The following JAKMIP2 variants were observed in gnomAD, a reference collection of about 807,000 sequenced individuals.
JAKMIP2 encodes janus kinase and microtubule interacting protein 2, also known as janus kinase and microtubule-interacting protein 2.
In JAKMIP2, 25 loss-of-function variants were observed where a neutral mutation model predicts 115.0. The observed-to-expected ratio is 0.22, with a 90% CI of 0.16 to 0.30. JAKMIP2 has a LOEUF of 0.30. Among genes scored for constraint, JAKMIP2 ranks in the 10% least tolerant of loss-of-function variants. The pLI, the probability that JAKMIP2 is intolerant of heterozygous loss-of-function variation, is 1.00. For missense variants in JAKMIP2, 642 were observed against 957.6 expected, an observed-to-expected ratio of 0.67 and a Z score of 4.35; for synonymous variants, 334 against 343.6, an observed-to-expected ratio of 0.97 and a Z score of 0.31.
rs182647477 is a variant in JAKMIP2, at chr5:147,620,726, T to C, written c.2082A>G (p.Ile694Met). The C allele has an allele frequency of 6.2e-7, 1 of 1,613,544 alleles. No individual in the cohort carries two copies. The highest frequency in any genetic ancestry group is 1.3e-5 in the African/African-American group (1 of 75,048). ...CTAGTTCTTCCTCCAGATAGCCTTTTATTTTGCAGAACTGTTCCTATAACA... is the reference window on the plus strand; with the variant it reads ...CTAGTTCTTCCTCCAGATAGCCTTTCATTTTGCAGAACTGTTCCTATAACA... ...LESDMEQFCK[I>M]KGYLEEELDY... Residue 694 changes from isoleucine to methionine, a missense_variant, in exon 18 of 22, where the codon ATA becomes ATG. Physicochemically the swap from Ile to Met is conservative, Grantham distance 10 (BLOSUM62 1). Around this residue, in one of 6 missense-constraint regions of JAKMIP2, gnomAD observed 68 missense variants for 104.6 expected, o/e 0.65. Transcript: ENST00000616793.
intron 1 of JAKMIP2, among the ~76,000 whole-genome samples, chr5:147,682,039 CA>C (rs201220964): frequency 0.084 from 6,364 of 76,112 alleles, 188 homozygotes; most frequent in South Asian, 0.23. Flanking sequence ...AACTCTGTTT[CA>C]AAAAAAAAAA....
chr5:147,740,900 T>G (rs1561570388), intron 1 of JAKMIP2, among the ~76,000 whole-genome samples: 1 of 152,324 alleles, frequency 6.6e-6, no homozygotes, highest in East Asian at 1.9e-4. Context: ...GGCTTTCTTT[T>G]ACATGGGGAG....
At chr5:147,749,921 C>G (rs1236193669) in intron 1 of JAKMIP2, among the ~76,000 whole-genome samples, 1 of 152,130 alleles carries the variant, frequency 6.6e-6, no homozygotes, top group Non-Finnish European at 1.5e-5. Flanking sequence ...TTGACTTATC[C>G]ATTCCAAACC....
At chr5:147,606,364 G>T (rs1007445483) in intron 20 of JAKMIP2, among the ~76,000 whole-genome samples, 1 of 152,274 alleles carries the variant, frequency 6.6e-6, no homozygotes, top group East Asian at 1.9e-4. Flanking sequence ...TTCGTATAAG[G>T]TGTAAGGAAG....
chr5:147,611,131 G>A (rs1756295656), intron 20 of JAKMIP2, among the ~76,000 whole-genome samples: 1 of 152,186 alleles, frequency 6.6e-6, no homozygotes, highest in African/African-American at 2.4e-5. Context: ...CCATGGGGGT[G>A]GGATCCGCTG....
rs1159013160 is a variant in JAKMIP2 at position 147,644,869 on chromosome 5, G to T, written c.1064C>A (p.Thr355Asn). 6.2e-7 allele frequency: 1 copy of T among 1,613,434 alleles called. No individual in the cohort carries two copies. The highest frequency in any genetic ancestry group is 1.7e-5 in the Admixed American group (1 of 59,902). The change falls in exon 6 of 22, where the codon ACC (threonine) becomes AAC (asparagine). Residue 355 changes from threonine to asparagine, a missense_variant. Physicochemically the swap from Thr to Asn is moderately conservative, Grantham distance 65 (BLOSUM62 0). Around this residue, in one of 6 missense-constraint regions of JAKMIP2, gnomAD observed 439 missense variants for 570.9 expected, o/e 0.77. Transcript: ENST00000616793. Reference protein sequence around the residue: ...QRMEEKLKAVTKENSEMREKI... With the variant: ...QRMEEKLKAVNKENSEMREKI... ...ACACACCATTTCTGAATTTTCCTTG[G>T]TAACGGCTTTTAGTTTTTCTTCCAT...
intron 20 of JAKMIP2, among the ~76,000 whole-genome samples, chr5:147,602,693 TA>T (rs909833996): frequency 6.6e-5 from 10 of 152,092 alleles, no homozygotes; most frequent in Non-Finnish European, 1.2e-4. Flanking sequence ...AGGTCAGTTT[TA>T]AAAAAAATAA....
chr5:147,617,257 A>AG (rs1405730380), intron 19 of JAKMIP2, among the ~76,000 whole-genome samples: 1 of 152,214 alleles, frequency 6.6e-6, no homozygotes, highest in Non-Finnish European at 1.5e-5. Context: ...CAGCAGACCT[A>AG]GGCTGTCATC....
chr5:147,659,093 GA>G (rs34795261), intron 3 of JAKMIP2, among the ~76,000 whole-genome samples: 249 of 142,826 alleles, frequency 1.7e-3, no homozygotes, highest in Middle Eastern at 3.5e-3. Flanking sequence ...GCTGGAGTAT[GA>G]AAAAAAAAAA....
intron 1 of JAKMIP2, among the ~76,000 whole-genome samples, chr5:147,708,393 A>C (rs1752658959): frequency 6.6e-6 from 1 of 152,146 alleles, no homozygotes; most frequent in Non-Finnish European, 1.5e-5. Flanking sequence ...AGGACTAGGC[A>C]TCTTCATTTT....
intron 1 of JAKMIP2, among the ~76,000 whole-genome samples, chr5:147,690,511 A>C (rs1268581645): frequency 7.0e-6 from 1 of 143,832 alleles, no homozygotes; most frequent in Non-Finnish European, 1.5e-5. Context: ...CCAAAGTATA[A>C]TGTCATTCAT....
chr5:147,702,053 T>C (rs1456080250), intron 1 of JAKMIP2, among the ~76,000 whole-genome samples: 4 of 152,202 alleles, frequency 2.6e-5, no homozygotes, highest in Non-Finnish European at 5.9e-5. Context: ...CTTCTGCCTC[T>C]TTCTAATTGC....
intron 10 of JAKMIP2, among the ~76,000 whole-genome samples, chr5:147,638,824 C>T (rs2126710529): frequency 6.6e-6 from 1 of 152,166 alleles, no homozygotes; most frequent in Non-Finnish European, 1.5e-5. Context: ...TTTAACTTCA[C>T]TAAACTACAT....
chr5:147,587,439 T>A lies in JAKMIP2; in HGVS notation c.*4268A>T, dbSNP rs1457649677. 6.6e-6 allele frequency: 1 copy of A among 151,938 alleles called. No homozygotes were observed. The highest frequency in any genetic ancestry group is 2.4e-5 in the African/African-American group (1 of 41,372). 9.4% of individuals were successfully genotyped at this position (151,938 alleles called of 1,614,324 possible). A position where few individuals can be genotyped will look rare whatever the true frequency, so the allele number is the denominator to read the frequency against. The stretch of plus-strand genomic sequence containing the variant: ...CTGTGTGTGTGTGTGTGTGTGTGTG[T>A]GTTTGTGTGTGTATTCTGTGCCACT... On this transcript the variant is annotated 3_prime_UTR_variant, in exon 22 of 22. Transcript: ENST00000616793.
chr5:147,643,937 A>G (rs1757998075), intron 7 of JAKMIP2, 121 bp downstream of exon 7: 1 of 668,418 alleles, frequency 1.5e-6, no homozygotes, highest in Non-Finnish European at 2.4e-6. Context: ...ACAAAATTAC[A>G]TATTTAACAT....
chr5:147,643,026 G>T lies in JAKMIP2; in HGVS notation c.1224+1032C>A, dbSNP rs149815230. 5.5e-3 allele frequency among the ~76,000 whole-genome samples: 840 copies of T among 152,050 alleles called. 41 individuals carry two copies. In the East Asian group the frequency reaches 0.11, roughly 20 times the overall value. On this transcript the variant is annotated intron_variant, in intron 7 of 21. Transcript: ENST00000616793. ...CAGACTCCAAGTTCTTCAGCTTTGG[G>T]ACTTGGACTGGCTTCCTTGCTCTTC...
intron 1 of JAKMIP2, among the ~76,000 whole-genome samples, chr5:147,735,486 C>A (rs1253715132): frequency 6.6e-6 from 1 of 152,142 alleles, no homozygotes; most frequent in Non-Finnish European, 1.5e-5. Context: ...TTGTGCAGGG[C>A]AACTCTGGTT....
intron 1 of JAKMIP2, among the ~76,000 whole-genome samples, chr5:147,707,772 T>C (rs1405468190): frequency 1.3e-5 from 2 of 152,204 alleles, no homozygotes; most frequent in East Asian, 3.9e-4. Flanking sequence ...CAATGACTGA[T>C]ATGCAAATGA....
At chr5:147,677,232 G>A (rs1760016592) in intron 1 of JAKMIP2, among the ~76,000 whole-genome samples, 1 of 152,192 alleles carries the variant, frequency 6.6e-6, no homozygotes, top group African/African-American at 2.4e-5. Flanking sequence ...CTCTTGCACA[G>A]CTCACGACGC....
Sources: gnomAD v4.1 joint callset for allele counts (sites outside exome capture counted in the v4.1 genomes callset) on GRCh38, gnomAD v4.1.1 for gene constraint, gnomAD v4.1.1 regional missense constraint, MANE v1.5 for transcripts, NCBI Gene and HGNC (gene_info 2026-07-23, HGNC 2026-07-21) for gene names.